The following SPAG9 variants were observed in gnomAD, a reference collection of about 807,000 sequenced individuals.
The protein encoded by SPAG9 is sperm associated antigen 9.
Under a neutral mutation model 166.5 loss-of-function variants are expected in SPAG9, and 35 were observed. That is an observed-to-expected ratio of 0.21 (90% CI 0.16 to 0.28). SPAG9 has a LOEUF of 0.28. Ranked by LOEUF, SPAG9 falls within the 10% of genes least tolerant of loss-of-function variation. SPAG9 has a pLI of 1.00. For synonymous variants in SPAG9, 534 were observed against 565.5 expected (o/e 0.94, Z 0.79); for missense variants, 1,235 against 1,603.3 (o/e 0.77, Z 3.92).
chr17:51,105,052 C>G (rs532380957), intron 1 of SPAG9, among the ~76,000 whole-genome samples: 1 of 152,052 alleles, frequency 6.6e-6, no homozygotes, highest in African/African-American at 2.4e-5. Flanking sequence ...GCCGAGATCA[C>G]GCCACTGCAC....
intron 1 of SPAG9, among the ~76,000 whole-genome samples, chr17:51,107,378 A>C (rs1443211591): frequency 6.6e-6 from 1 of 151,620 alleles, no homozygotes; most frequent in Non-Finnish European, 1.5e-5. Context: ...TCTGACCCCC[A>C]TCCCTACCAA....
At chr17:51,055,830 T>C (rs1477866025) in intron 3 of SPAG9, among the ~76,000 whole-genome samples, 1 of 152,148 alleles carries the variant, frequency 6.6e-6, no homozygotes, top group Non-Finnish European at 1.5e-5. Context: ...CAGGGAATCA[T>C]AAAAAGGTTA....
At chr17:51,118,644 T>C (rs894241695) in intron 1 of SPAG9, among the ~76,000 whole-genome samples, 5 of 152,240 alleles carry the variant, frequency 3.3e-5, no homozygotes, top group Non-Finnish European at 7.3e-5. Context: ...GCACTTGACC[T>C]CTGTTCTATA....
chr17:51,108,161 C>T (rs187233521), intron 1 of SPAG9, among the ~76,000 whole-genome samples: 235 of 151,008 alleles, frequency 1.6e-3, no homozygotes, highest in African/African-American at 5.5e-3. Context: ...CTGAGGCAGG[C>T]AGGTCACCTG....
At position 51,075,518 on chromosome 17, in the gene SPAG9, T is replaced by C. The variant is rs150012398; in HGVS notation, c.424+4066A>G. 3.5e-3 allele frequency among the ~76,000 whole-genome samples: 532 copies of C among 152,272 alleles called. 2 individuals are homozygous for C. Among genetic ancestry groups the C allele is most frequent in the African/African-American group, 0.012 (512 of 41,562 alleles). Reference sequence around the variant, plus strand: ...CAAAAGGATGTTAGACAAGGAATTCTTTTCCAAGTCAAAAAAGGAATTCTG... The same window carrying C: ...CAAAAGGATGTTAGACAAGGAATTCCTTTCCAAGTCAAAAAAGGAATTCTG... On this transcript the variant is annotated intron_variant, in intron 2 of 29. Coordinates refer to ENST00000262013, the MANE Select transcript of SPAG9 (RefSeq NM_001130528.3).
At chr17:50,966,624 C>T (rs1973382548) in intron 29 of SPAG9, among the ~76,000 whole-genome samples, 1 of 152,158 alleles carries the variant, frequency 6.6e-6, no homozygotes, top group South Asian at 2.1e-4. Flanking sequence ...TTTATAAAAT[C>T]CAGTTCACTA....
chr17:51,084,251 G>A (rs1315812857), intron 1 of SPAG9: 1 of 152,072 alleles, frequency 6.6e-6, no homozygotes, highest in Non-Finnish European at 1.5e-5. Context: ...TGAAGTCTGA[G>A]TAAGTTATTT....
Position 51,077,029 on chromosome 17 carries a change from T to TCTAGCTATCTAGCTAGCTAG in SPAG9, c.424+2554_424+2555insCTAGCTAGCTAGATAGCTAG, listed in dbSNP as rs1442787507. 1.2e-4 allele frequency among the ~76,000 whole-genome samples: 8 copies of TCTAGCTATCTAGCTAGCTAG among 65,324 alleles called. 1 individual carries two copies. The highest frequency in any genetic ancestry group is 1.8e-4 in the Non-Finnish European group (5 of 28,362). The allele number at this position is 65,324 out of a possible 152,430, so 42.9% of individuals were successfully genotyped here. A position where few individuals can be genotyped will look rare whatever the true frequency, so the allele number is the denominator to read the frequency against. ...AGCTAGCTAGCTAGCTATCTAGCTA[T>TCTAGCTATCTAGCTAGCTAG]CTATCTAGCTATCTAGCTATCTAGC... On this transcript the variant is annotated intron_variant, in intron 2 of 29. Coordinates refer to ENST00000262013, the MANE Select transcript of SPAG9 (RefSeq NM_001130528.3).
chr17:51,104,335 C>T (rs1019410402), intron 1 of SPAG9, among the ~76,000 whole-genome samples: 2 of 152,144 alleles, frequency 1.3e-5, no homozygotes, highest in East Asian at 1.9e-4. Flanking sequence ...ATAGTTGGCA[C>T]TCAATGAAAG....
At chr17:51,105,274 G>C (rs1297353900) in intron 1 of SPAG9, among the ~76,000 whole-genome samples, 1 of 152,108 alleles carries the variant, frequency 6.6e-6, no homozygotes, top group East Asian at 1.9e-4. Context: ...GGTCACGTAG[G>C]TAAGAGGAAA....
intron 3 of SPAG9, among the ~76,000 whole-genome samples, chr17:51,050,661 A>G (rs1197067863): frequency 6.6e-6 from 1 of 152,194 alleles, no homozygotes; most frequent in Non-Finnish European, 1.5e-5. Flanking sequence ...ACACACAAAA[A>G]AGAACAAAAA....
At chr17:51,046,966 T>A in intron 4 of SPAG9, 2 of 1,396,554 alleles carry the variant, frequency 1.4e-6, no homozygotes, top group South Asian at 1.4e-5. Context: ...TGCCTGAAGA[T>A]CTACATAATT....
intron 6 of SPAG9, among the ~76,000 whole-genome samples, chr17:51,029,626 CT>C (rs2046314962): frequency 6.6e-6 from 1 of 152,140 alleles, no homozygotes; most frequent in African/African-American, 2.4e-5. Context: ...ATGAATGAAC[CT>C]TGAGGACATT....
In SPAG9 at chr17:50,989,941, CCT is replaced by C. The variant is rs1223969558; in HGVS notation, c.2618-71_2618-70del. The C allele has an allele frequency of 1.0e-4, 133 of 1,320,380 alleles. 1 individual carries two copies. In the South Asian group the frequency reaches 1.3e-3, roughly 13 times the overall value. 81.8% of individuals were successfully genotyped at this position (1,320,380 alleles called of 1,614,324 possible). A position where few individuals can be genotyped will look rare whatever the true frequency, so the allele number is the denominator to read the frequency against. On this transcript the variant is annotated intron_variant, in intron 20 of 29. Transcript: ENST00000262013. ...CTCCAATTATTTCCCCACACAAACC[CCT>C]GTTATAGAATTCCATTCCATCTACC...
chr17:50,979,476 C>A (rs1354448937), intron 26 of SPAG9, among the ~76,000 whole-genome samples: 2 of 149,646 alleles, frequency 1.3e-5, no homozygotes, highest in Non-Finnish European at 3.0e-5. Flanking sequence ...TTCATTGGTT[C>A]TACCCAGCAT....
chr17:51,046,823 G>A (rs889265590), intron 4 of SPAG9: 29 of 1,532,868 alleles, frequency 1.9e-5, no homozygotes, highest in Admixed American at 9.8e-5. Context: ...AAGCGATGAC[G>A]TCATTCCGTT....
chr17:51,066,815 C>G (rs1172839039), intron 2 of SPAG9, among the ~76,000 whole-genome samples: 1 of 151,944 alleles, frequency 6.6e-6, no homozygotes, highest in Non-Finnish European at 1.5e-5. Context: ...TCGCTTGAAC[C>G]TGGGAGGTGG....
At chr17:51,080,955 C>T (rs1330058817) in intron 1 of SPAG9, among the ~76,000 whole-genome samples, 1 of 150,030 alleles carries the variant, frequency 6.7e-6, no homozygotes, top group Non-Finnish European at 1.5e-5. Context: ...ACTTGCTCCT[C>T]TCCTGGTCTT....
chr17:50,972,443 GCT>G (rs1024690212), intron 28 of SPAG9, among the ~76,000 whole-genome samples: 1 of 152,194 alleles, frequency 6.6e-6, no homozygotes, highest in African/African-American at 2.4e-5. Flanking sequence ...TAGTAAATGT[GCT>G]GTTTGTTCTA....
Sources: gnomAD v4.1 joint callset for allele counts (sites outside exome capture counted in the v4.1 genomes callset) on GRCh38, gnomAD v4.1.1 for gene constraint, MANE v1.5 for transcripts, NCBI Gene and HGNC (gene_info 2026-07-23, HGNC 2026-07-21) for gene names.